BTC: variants seen among roughly 807,000 people sequenced by gnomAD.
BTC encodes the protein betacellulin, also known as probetacellulin.
A neutral mutation model predicts 18.1 loss-of-function variants in BTC; 13 were observed. That is an observed-to-expected ratio of 0.72 (90% CI 0.47 to 1.14). The LOEUF is 1.14. Ranked by LOEUF, BTC falls within the 50% of genes most tolerant of loss-of-function variation. The pLI is 0.00. For synonymous variants in BTC, 83 were observed against 79.4 expected, an observed-to-expected ratio of 1.05 and a Z score of -0.24; for missense variants, 247 against 224.2, an observed-to-expected ratio of 1.10 and a Z score of -0.65.
intron 1 of BTC, among the ~76,000 whole-genome samples, chr4:74,775,597 CA>C (rs1421056717): frequency 6.6e-6 from 1 of 152,196 alleles, no homozygotes; most frequent in Non-Finnish European, 1.5e-5. Context: ...ACAGAAATTT[CA>C]ATCTCTTCCG....
intron 2 of BTC, among the ~76,000 whole-genome samples, chr4:74,761,076 A>G (rs1461418864): frequency 6.6e-6 from 1 of 151,552 alleles, no homozygotes; most frequent in Non-Finnish European, 1.5e-5. Flanking sequence ...ACCATTTCTG[A>G]GCTTATAGGA....
chr4:74,763,161 G>A lies in BTC; in HGVS notation c.163+6897C>T, dbSNP rs996560062. ...TAACTGTTTTTAAGCCCATTTGCCC[G>A]AAAAAATTCTATATCCTATACAGAA... On this transcript the variant is annotated intron_variant, in intron 2 of 5. Coordinates refer to ENST00000395743, the MANE Select transcript of BTC (RefSeq NM_001729.4). 5.9e-5 allele frequency among the ~76,000 whole-genome samples: 9 copies of A among 152,084 alleles called. No homozygotes were observed. In the South Asian group the frequency reaches 6.2e-4, roughly 11 times the overall value.
At chr4:74,757,600 T>C (rs187218262) in intron 2 of BTC, among the ~76,000 whole-genome samples, 71 of 152,326 alleles carry the variant, frequency 4.7e-4, no homozygotes, top group Non-Finnish European at 8.7e-4. Flanking sequence ...TAATAGGCAC[T>C]AGAAAACATC....
chr4:74,773,616 C>CTTT (rs34447690), intron 1 of BTC, among the ~76,000 whole-genome samples: 1 of 145,752 alleles, frequency 6.9e-6, no homozygotes, highest in Non-Finnish European at 1.5e-5. Context: ...TAGACACAAA[C>CTTT]TTTTTTTTTT....
intron 2 of BTC, among the ~76,000 whole-genome samples, chr4:74,759,593 G>C (rs1560712984): frequency 6.6e-6 from 1 of 151,146 alleles, no homozygotes; most frequent in Non-Finnish European, 1.5e-5. Flanking sequence ...TAAAATAAAT[G>C]TCACTTTAAT....
intron 1 of BTC, among the ~76,000 whole-genome samples, chr4:74,786,506 A>G (rs1481041382): frequency 2.0e-5 from 3 of 152,250 alleles, no homozygotes; most frequent in South Asian, 2.1e-4. Flanking sequence ...CTCCATTTCT[A>G]TAGGAGCCGC....
intron 4 of BTC, among the ~76,000 whole-genome samples, chr4:74,749,542 C>T (rs1021018229): frequency 6.6e-6 from 1 of 150,514 alleles, no homozygotes; most frequent in Non-Finnish European, 1.5e-5. Flanking sequence ...TACCGTAGTG[C>T]TTTTTTCCCT....
In BTC at chr4:74,787,459, T is replaced by C. The variant is rs111445329; in HGVS notation, c.64+6803A>G. 8.5e-5 allele frequency among the ~76,000 whole-genome samples: 13 copies of C among 152,358 alleles called. 1 individual carries two copies. Among genetic ancestry groups the C allele is most frequent in the South Asian group, 4.1e-4 (2 of 4,828 alleles). On this transcript the variant is annotated intron_variant, in intron 1 of 5. Coordinates refer to ENST00000395743, the MANE Select transcript of BTC (RefSeq NM_001729.4). ...TTCTTTAAATTATAACAATTAGATA[T>C]ACAGTTGAAATACTAAGATTTTTTT...
intron 2 of BTC, among the ~76,000 whole-genome samples, chr4:74,761,882 C>T (rs559236180): frequency 1.3e-5 from 2 of 152,276 alleles, no homozygotes; most frequent in South Asian, 4.1e-4. Context: ...TTAAAACTCA[C>T]TCAGAGAAAA....
chr4:74,763,821 G>T (rs951048945), intron 2 of BTC, among the ~76,000 whole-genome samples: 6 of 151,960 alleles, frequency 3.9e-5, no homozygotes, highest in African/African-American at 1.5e-4. Flanking sequence ...ATAATTTACT[G>T]CATGTTTTGA....
intron 2 of BTC, among the ~76,000 whole-genome samples, chr4:74,768,753 T>A (rs1724963635): frequency 6.6e-6 from 1 of 152,136 alleles, no homozygotes; most frequent in African/African-American, 2.4e-5. Flanking sequence ...CTTACTACAA[T>A]AAAAATAAAA....
chr4:74,750,836 C>A, intron 3 of BTC, 117 bp from the exon 4 acceptor site: 1 of 1,380,836 alleles, frequency 7.2e-7, no homozygotes, highest in South Asian at 1.4e-5. Context: ...AACACAGTTC[C>A]CTTTTTAAAA....
chr4:74,773,840 G>A (rs939275864), intron 1 of BTC, among the ~76,000 whole-genome samples: 4 of 152,066 alleles, frequency 2.6e-5, no homozygotes, highest in Non-Finnish European at 4.4e-5. Context: ...TTGAACTCCT[G>A]ACCTCAAGTG....
intron 2 of BTC, among the ~76,000 whole-genome samples, chr4:74,764,666 T>A (rs992719749): frequency 8.5e-5 from 13 of 152,136 alleles, no homozygotes; most frequent in Admixed American, 2.0e-4. Flanking sequence ...AACAAAATAA[T>A]GTCTTTTGTA....
chr4:74,768,005 G>A (rs895070503), intron 2 of BTC, among the ~76,000 whole-genome samples: 4 of 152,070 alleles, frequency 2.6e-5, no homozygotes, highest in African/African-American at 7.2e-5. Flanking sequence ...AAAAGCACAG[G>A]TGACAAAAGC....
At chr4:74,761,796 C>T (rs1302908028) in intron 2 of BTC, among the ~76,000 whole-genome samples, 1 of 152,194 alleles carries the variant, frequency 6.6e-6, no homozygotes, top group African/African-American at 2.4e-5. Context: ...TATGACGACA[C>T]CTTTAACTAG....
chr4:74,780,094 T>C (rs1212355413), intron 1 of BTC, among the ~76,000 whole-genome samples: 2 of 152,164 alleles, frequency 1.3e-5, no homozygotes, highest in Admixed American at 1.3e-4. Context: ...TGACGAATTA[T>C]ACAAAAAAGG....
intron 3 of BTC, among the ~76,000 whole-genome samples, chr4:74,754,088 A>G (rs1724534206): frequency 6.6e-6 from 1 of 152,220 alleles, no homozygotes; most frequent in African/African-American, 2.4e-5. Context: ...GGCAAAAGCA[A>G]AATCTTACTT....
At chr4:74,757,949 G>A (rs1337006303) in intron 2 of BTC, among the ~76,000 whole-genome samples, 3 of 152,168 alleles carry the variant, frequency 2.0e-5, no homozygotes, top group Admixed American at 1.3e-4. Flanking sequence ...GAATTCCTGG[G>A]ATAGTAAACT....
Sources: gnomAD v4.1 joint callset for allele counts (sites outside exome capture counted in the v4.1 genomes callset) on GRCh38, gnomAD v4.1.1 for gene constraint, MANE v1.5 for transcripts, NCBI Gene and HGNC (gene_info 2026-07-23, HGNC 2026-07-21) for gene names.